Variants in ALDH7A1 observed in about 807,000 individuals in gnomAD.
ALDH7A1 encodes aldehyde dehydrogenase 7 family member A1.
Under a neutral mutation model 79.9 loss-of-function variants are expected in ALDH7A1, and 63 were observed. That is an observed-to-expected ratio of 0.79 (90% CI 0.64 to 0.97). The LOEUF (loss-of-function observed/expected upper bound fraction) is 0.97. ALDH7A1 is among the 50% of genes least tolerant of loss of function. The pLI is 0.00. For synonymous variants in ALDH7A1, 240 were observed against 231.2 expected (o/e 1.04, Z -0.34); for missense variants, 627 against 665.2 (o/e 0.94, Z 0.63).
rs756259873 is a variant in ALDH7A1, at chr5:126,543,250, G to C, written c.*1715C>G. ...ACAAATTGAAGGCATATGTTTTAATGAACATTATAACCAAAAAAAATTGAG... is the reference window on the plus strand; with the variant it reads ...ACAAATTGAAGGCATATGTTTTAATCAACATTATAACCAAAAAAAATTGAG... On this transcript the variant is annotated 3_prime_UTR_variant, in exon 18 of 18. Coordinates refer to ENST00000409134, the MANE Select transcript of ALDH7A1 (RefSeq NM_001182.5). The C allele has an allele frequency of 1.8e-5, 2 of 112,236 alleles. No individual in the cohort carries two copies. Among genetic ancestry groups the C allele is most frequent in the Non-Finnish European group, 1.9e-5 (1 of 52,358 alleles). 7.0% of individuals were successfully genotyped at this position (112,236 alleles called of 1,614,324 possible). A position where few individuals can be genotyped will look rare whatever the true frequency, so the allele number is the denominator to read the frequency against.
Position 126,592,592 on chromosome 5 carries a change from G to A in ALDH7A1, c.312+72C>T. 4.1e-6 allele frequency: 6 copies of A among 1,473,930 alleles called. 1 individual carries two copies. The South Asian group carries it at 4.6e-5, about 11-fold the overall frequency. 91.3% of individuals were successfully genotyped at this position (1,473,930 alleles called of 1,614,324 possible). On this transcript the variant is annotated intron_variant, in intron 3 of 17. Coordinates refer to ENST00000409134, the MANE Select transcript of ALDH7A1 (RefSeq NM_001182.5). ...GGCGGCACTGACCTGCTTATCAGAT[G>A]TTTATGTATCTCATTGGTTACAATA...
chr5:126,560,530 T>C (rs1419513752), intron 10 of ALDH7A1, among the ~76,000 whole-genome samples: 1 of 152,178 alleles, frequency 6.6e-6, no homozygotes, highest in Non-Finnish European at 1.5e-5. Flanking sequence ...ATCTTACACA[T>C]ACTTCTTATG....
rs770033340 is a variant in ALDH7A1, at chr5:126,595,190, G to C, written c.9C>G (p.Arg3=). Reference sequence around the variant, plus strand: ...CGTGCACACACAGCGCGCGAGGAAGGCGCCACATACTGAGCCCGGGACTCG... The same window carrying C: ...CGTGCACACACAGCGCGCGAGGAAGCCGCCACATACTGAGCCCGGGACTCG... MW[R]LPRALCVHAA... Residue 3 remains arginine, a synonymous_variant, in exon 1 of 18, where the codon CGC becomes CGG. Transcript: ENST00000409134. 6.4e-7 allele frequency: 1 copy of C among 1,552,122 alleles called. No homozygotes were observed. Among genetic ancestry groups the C allele is most frequent in the Non-Finnish European group, 8.7e-7 (1 of 1,147,146 alleles).
rs532744011 is a variant in ALDH7A1 at position 126,593,550 on chromosome 5, T to C, written c.193-146A>G. The C allele has an allele frequency of 2.7e-6, 3 of 1,123,936 alleles. No individual in the cohort carries two copies. The African/African-American group carries it at 4.7e-5, about 18-fold the overall frequency. The allele number at this position is 1,123,936 out of a possible 1,614,324, so 69.6% of individuals were successfully genotyped here. Reference sequence around the variant, plus strand: ...AGCTTAGGTTAACTTCTGTTACATATAAACCACTCTACAGAGGTTGTCTTT... The same window carrying C: ...AGCTTAGGTTAACTTCTGTTACATACAAACCACTCTACAGAGGTTGTCTTT... On this transcript the variant is annotated intron_variant, in intron 1 of 17. Coordinates refer to ENST00000409134, the MANE Select transcript of ALDH7A1 (RefSeq NM_001182.5).
At position 126,542,775 on chromosome 5, in the gene ALDH7A1, A is replaced by G. The variant is rs559274917; in HGVS notation, c.*2190T>C. The G allele has an allele frequency of 2.6e-5, 4 of 152,352 alleles. No homozygotes were observed. The East Asian group carries it at 7.7e-4, about 29-fold the overall frequency. 9.4% of individuals were successfully genotyped at this position (152,352 alleles called of 1,614,324 possible). A position where few individuals can be genotyped will look rare whatever the true frequency, so the allele number is the denominator to read the frequency against. ...ATAATAGCACTCAATTTCCTTTGAG[A>G]AAACTGCCTTCCCTCCATTGTGAGA... On this transcript the variant is annotated 3_prime_UTR_variant, in exon 18 of 18. Coordinates refer to ENST00000409134, the MANE Select transcript of ALDH7A1 (RefSeq NM_001182.5).
intron 12 of ALDH7A1, among the ~76,000 whole-genome samples, chr5:126,555,649 G>A (rs1303927227): frequency 6.6e-6 from 1 of 152,134 alleles, no homozygotes; most frequent in Non-Finnish European, 1.5e-5. Flanking sequence ...CCTTGCACAA[G>A]AGGGATGGTG....
intron 3 of ALDH7A1, chr5:126,587,645 A>C (rs1372971394): frequency 6.5e-6 from 1 of 152,830 alleles, no homozygotes; most frequent in Non-Finnish European, 1.5e-5. Context: ...AAAAAAAAGA[A>C]AAAGAAAAAT....
intron 7 of ALDH7A1, 25 bp downstream of exon 7, chr5:126,575,395 G>A: frequency 6.2e-7 from 1 of 1,608,212 alleles, no homozygotes; most frequent in South Asian, 1.1e-5. Context: ...CCATACCCAG[G>A]AAAAAGAAAG....
In ALDH7A1 at chr5:126,595,113, AT is replaced by A; in HGVS notation, c.85del (p.Met29CysfsTer14). 6.3e-7 allele frequency: 1 copy of A among 1,588,152 alleles called. No individual in the cohort carries two copies. The part of the protein sequence containing the change: ...SGPWSRPAAF[M>X]STLLINQPQY... ...GGGCTGATTGATGAGGAGAGTGGAC[AT>A]GAAGGCGGCAGGCCTGCTCCAAGGT... On this transcript the variant is annotated frameshift_variant, in exon 1 of 18. Coordinates refer to ENST00000409134, the MANE Select transcript of ALDH7A1 (RefSeq NM_001182.5). LOFTEE classifies it high-confidence loss of function.
chr5:126,592,612 A>C, intron 3 of ALDH7A1, 52 bp downstream of exon 3: 1 of 1,568,540 alleles, frequency 6.4e-7, no homozygotes. Flanking sequence ...CTCATTGGTT[A>C]CAATAGGCAA....
chr5:126,589,692 T>C (rs1718763005), intron 3 of ALDH7A1, among the ~76,000 whole-genome samples: 1 of 150,434 alleles, frequency 6.6e-6, no homozygotes, highest in South Asian at 2.1e-4. Flanking sequence ...CCGCCCCATC[T>C]GGGATGTGAG....
chr5:126,583,048 G>A (rs1581394926), intron 4 of ALDH7A1, 74 bp from the exon 5 acceptor site: 1 of 1,556,604 alleles, frequency 6.4e-7, no homozygotes, highest in Non-Finnish European at 8.9e-7. Flanking sequence ...AAGAAAGGGG[G>A]AAGCAAAACA....
At chr5:126,570,548 T>C in intron 8 of ALDH7A1, 1 of 490,800 alleles carries the variant, frequency 2.0e-6, no homozygotes, top group Non-Finnish European at 3.7e-6. Context: ...TTTCAGGATA[T>C]AAACACCTTA....
At chr5:126,546,450 C>T (rs1373840103) in intron 16 of ALDH7A1, 51 bp from the exon 17 acceptor site, 1 of 1,540,802 alleles carries the variant, frequency 6.5e-7, no homozygotes. Flanking sequence ...TCCATGTGGG[C>T]TCATAGTTGG....
At chr5:126,547,436 A>T (rs1478943152) in intron 16 of ALDH7A1, among the ~76,000 whole-genome samples, 1 of 152,210 alleles carries the variant, frequency 6.6e-6, no homozygotes, top group Admixed American at 6.5e-5. Flanking sequence ...ACTTTCAAGG[A>T]CCATGCTCAC....
intron 13 of ALDH7A1, 41 bp from the exon 14 acceptor site, chr5:126,552,178 G>A: frequency 1.3e-6 from 2 of 1,536,986 alleles, no homozygotes; most frequent in Non-Finnish European, 9.0e-7. Flanking sequence ...AAAGCATTTT[G>A]TTTTCTAGGA....
intron 10 of ALDH7A1, 106 bp downstream of exon 10, chr5:126,560,977 C>T (rs112339487): frequency 8.2e-7 from 1 of 1,226,104 alleles, no homozygotes; most frequent in Non-Finnish European, 1.2e-6. Flanking sequence ...AGGTCTCAGG[C>T]ATATGCAACA....
In ALDH7A1 at chr5:126,568,359, G is replaced by A; in HGVS notation, c.774-3C>T. ...GTTCATCTTTGGCCATTGCTGTGCT[G>A]CAAGGGAACAGACACGGTCGGCCAC... On this transcript the variant is annotated splice_polypyrimidine_tract_variant and splice_region_variant and intron_variant, in intron 8 of 17. Coordinates refer to ENST00000409134, the MANE Select transcript of ALDH7A1 (RefSeq NM_001182.5). The A allele has an allele frequency of 6.2e-7, 1 of 1,613,720 alleles. No homozygotes were observed. The highest frequency in any genetic ancestry group is 1.3e-5 in the African/African-American group (1 of 75,046).
chr5:126,576,927 C>CA, intron 6 of ALDH7A1, 152 bp downstream of exon 6: 1 of 1,094,010 alleles, frequency 9.1e-7, no homozygotes, highest in African/African-American at 1.6e-5. Context: ...AACTCCATCT[C>CA]AAAAAAATAA....
Sources: allele counts gnomAD v4.1 joint callset (sites outside exome capture counted in the v4.1 genomes callset), GRCh38; gene constraint gnomAD v4.1.1; transcripts MANE v1.5; gene names NCBI Gene and HGNC (gene_info 2026-07-23, HGNC 2026-07-21).